The following BRINP3 variants were observed in gnomAD, a reference collection of about 807,000 sequenced individuals.
The protein encoded by BRINP3 is BMP/retinoic acid-inducible neural-specific protein 3.
A neutral mutation model predicts 71.0 loss-of-function variants in BRINP3; 19 were observed. The ratio of observed to expected loss-of-function variants is 0.27; its 90% confidence interval spans 0.19 to 0.39. The LOEUF (loss-of-function observed/expected upper bound fraction) is 0.39, where lower values mean the gene tolerates loss of function less well. Among genes scored for constraint, BRINP3 ranks in the 10% least tolerant of loss-of-function variants. The pLI, the probability that BRINP3 is intolerant of heterozygous loss-of-function variation, is 1.00. For missense variants in BRINP3, 959 were observed against 940.8 expected, an observed-to-expected ratio of 1.02 and a Z score of -0.25; for synonymous variants, 380 against 337.7, an observed-to-expected ratio of 1.13 and a Z score of -1.37.
chr1:190,467,159 T>C (rs1041564899), intron 1 of BRINP3, among the ~76,000 whole-genome samples: 19 of 151,708 alleles, frequency 1.3e-4, no homozygotes, highest in South Asian at 4.1e-4. Context: ...GAGAGTTATA[T>C]TTACAGTATC....
intron 1 of BRINP3, among the ~76,000 whole-genome samples, chr1:190,474,132 T>C (rs1677341128): frequency 4.6e-5 from 7 of 152,196 alleles, no homozygotes; most frequent in Admixed American, 4.6e-4. Flanking sequence ...CTTCTAACTC[T>C]CTACCCTTCC....
At chr1:190,323,369 TCAAATATAGTTGTC>T (rs1254204205) in intron 2 of BRINP3, among the ~76,000 whole-genome samples, 1 of 151,964 alleles carries the variant, frequency 6.6e-6, no homozygotes, top group Admixed American at 6.6e-5. Flanking sequence ...GACTTGATTT[TCAAATATAGTTGTC>T]ATATTTAGTG....
At chr1:190,106,945 A>C (rs187136849) in intron 7 of BRINP3, among the ~76,000 whole-genome samples, 1 of 152,010 alleles carries the variant, frequency 6.6e-6, no homozygotes, top group African/African-American at 2.4e-5. Flanking sequence ...AAAGTGGTAC[A>C]ATTTAGCATC....
chr1:190,358,337 A>T (rs891994797), intron 2 of BRINP3, among the ~76,000 whole-genome samples: 18 of 152,292 alleles, frequency 1.2e-4, no homozygotes, highest in Admixed American at 3.3e-4. Context: ...CAATCCCATC[A>T]ACAAGTGGGC....
At chr1:190,462,177 G>T (rs1342962624) in intron 1 of BRINP3, among the ~76,000 whole-genome samples, 2 of 152,066 alleles carry the variant, frequency 1.3e-5, no homozygotes, top group African/African-American at 2.4e-5. Context: ...CTCCCAAAGT[G>T]CTGGGATTAC....
intron 2 of BRINP3, among the ~76,000 whole-genome samples, chr1:190,369,637 C>G (rs1291899473): frequency 1.5e-5 from 2 of 129,282 alleles, no homozygotes; most frequent in African/African-American, 5.6e-5. Flanking sequence ...ATCAGCCACA[C>G]TAATTTGCAT....
At chr1:190,444,551 T>A (rs1675075797) in intron 2 of BRINP3, among the ~76,000 whole-genome samples, 1 of 152,104 alleles carries the variant, frequency 6.6e-6, no homozygotes, top group Non-Finnish European at 1.5e-5. Flanking sequence ...TTATTTATTT[T>A]TTGAGACAGA....
chr1:190,318,710 G>A (rs1571733656), intron 2 of BRINP3, among the ~76,000 whole-genome samples: 1 of 151,952 alleles, frequency 6.6e-6, no homozygotes, highest in East Asian at 1.9e-4. Flanking sequence ...TATGAAGCTG[G>A]GACATACTCC....
At chr1:190,160,040 TG>T (rs940752121) in intron 7 of BRINP3, among the ~76,000 whole-genome samples, 4 of 152,170 alleles carry the variant, frequency 2.6e-5, no homozygotes, top group African/African-American at 9.6e-5. Flanking sequence ...CGTAGCTTTT[TG>T]TTTTCGAACT....
chr1:190,141,572 T>C (rs1655444975), intron 7 of BRINP3, among the ~76,000 whole-genome samples: 1 of 139,518 alleles, frequency 7.2e-6, no homozygotes, highest in African/African-American at 2.7e-5. Flanking sequence ...TTTTTTTTTT[T>C]TTTTTTTGAG....
chr1:190,279,225 C>T (rs2102928661), intron 3 of BRINP3, among the ~76,000 whole-genome samples: 1 of 151,744 alleles, frequency 6.6e-6, no homozygotes, highest in Admixed American at 6.6e-5. Context: ...CATTACTAAG[C>T]CAAATAGACA....
intron 2 of BRINP3, among the ~76,000 whole-genome samples, chr1:190,409,995 T>A (rs1386056639): frequency 6.6e-6 from 1 of 152,138 alleles, no homozygotes. Context: ...TCTCTTTTTT[T>A]ATTTCTTTTT....
At chr1:190,156,599 C>T (rs1203928249) in intron 7 of BRINP3, among the ~76,000 whole-genome samples, 2 of 151,432 alleles carry the variant, frequency 1.3e-5, no homozygotes, top group Admixed American at 6.6e-5. Flanking sequence ...GTTACATTGG[C>T]AGTAAAAGAA....
intron 2 of BRINP3, among the ~76,000 whole-genome samples, chr1:190,399,878 A>C (rs1214153136): frequency 2.0e-5 from 3 of 152,078 alleles, no homozygotes; most frequent in Non-Finnish European, 4.4e-5. Context: ...AGAGATGAAT[A>C]TACTGAAGCT....
chr1:190,161,266 T>C (rs1478046030), intron 6 of BRINP3, among the ~76,000 whole-genome samples: 3 of 151,990 alleles, frequency 2.0e-5, no homozygotes, highest in Non-Finnish European at 2.9e-5. Context: ...TTTTTGGCAA[T>C]GGTATTAATA....
chr1:190,394,720 T>C (rs1407905148), intron 2 of BRINP3, among the ~76,000 whole-genome samples: 1 of 151,652 alleles, frequency 6.6e-6, no homozygotes, highest in African/African-American at 2.4e-5. Flanking sequence ...GTGTTCACTG[T>C]TAATGCTTAC....
chr1:190,450,546 G>T (rs1279462588), intron 2 of BRINP3, among the ~76,000 whole-genome samples: 1 of 151,970 alleles, frequency 6.6e-6, no homozygotes, highest in Non-Finnish European at 1.5e-5. Flanking sequence ...TTTTATTATA[G>T]AAAATTGTAC....
chr1:190,186,297 G>A (rs542865305), intron 6 of BRINP3, among the ~76,000 whole-genome samples: 3 of 152,066 alleles, frequency 2.0e-5, no homozygotes, highest in Admixed American at 1.3e-4. Flanking sequence ...AACCCAGAAG[G>A]CAGAGGTTGC....
intron 7 of BRINP3, among the ~76,000 whole-genome samples, chr1:190,104,365 G>T (rs1202201286): frequency 6.6e-6 from 1 of 152,080 alleles, no homozygotes; most frequent in Admixed American, 6.6e-5. Context: ...AAGCACAGTT[G>T]CAGGTAAAGC....
Sources: gnomAD v4.1 joint callset for allele counts (sites outside exome capture counted in the v4.1 genomes callset) on GRCh38, gnomAD v4.1.1 for gene constraint, MANE v1.5 for transcripts, NCBI Gene and HGNC (gene_info 2026-07-23, HGNC 2026-07-21) for gene names.